TTC23L: variants seen among roughly 807,000 people sequenced by gnomAD.
TTC23L encodes tetratricopeptide repeat domain 23 like.
In TTC23L, 42 loss-of-function variants were observed where a neutral mutation model predicts 48.1. The observed-to-expected ratio is 0.87, with a 90% CI of 0.68 to 1.13. The LOEUF (loss-of-function observed/expected upper bound fraction) is 1.13, where lower values mean the gene tolerates loss of function less well. TTC23L is among the 50% of genes most tolerant of loss of function. The pLI is 0.00. For missense variants in TTC23L, 391 were observed against 421.0 expected (o/e 0.93, Z 0.62); for synonymous variants, 159 against 157.2 (o/e 1.01, Z -0.09).
the TTC23L span, among the ~76,000 whole-genome samples, chr5:34,912,702 A>C: frequency 6.6e-6 from 1 of 152,204 alleles, no homozygotes; most frequent in Non-Finnish European, 1.5e-5. Context: ...ATATATTTTA[A>C]AGAAAATCAT....
the TTC23L span, chr5:34,911,717 T>G: frequency 8.1e-6 from 13 of 1,614,052 alleles, no homozygotes; most frequent in African/African-American, 1.3e-5. Context: ...TCCTGTGTAT[T>G]GATTTTGCAG....
the TTC23L span, among the ~76,000 whole-genome samples, chr5:34,923,569 C>T: frequency 6.6e-6 from 1 of 152,310 alleles, no homozygotes; most frequent in African/African-American, 2.4e-5. Context: ...TGAGCCACTA[C>T]ACCCGGCCTA....
chr5:34,862,970 C>T (rs1554019628), exon 5 of TTC23L: 4 of 1,613,826 alleles, frequency 2.5e-6, no homozygotes, highest in Non-Finnish European at 3.4e-6. Flanking sequence ...GCAAATACGA[C>T]CTCAAATAAG....
chr5:34,910,326 G>A, the TTC23L span, among the ~76,000 whole-genome samples: 2 of 152,056 alleles, frequency 1.3e-5, no homozygotes, highest in African/African-American at 2.4e-5. Context: ...TCATTCCACT[G>A]CTAAAGTAAG....
the TTC23L span, among the ~76,000 whole-genome samples, chr5:34,911,093 C>T: frequency 2.6e-5 from 4 of 152,306 alleles, no homozygotes; most frequent in East Asian, 7.7e-4. Flanking sequence ...GTTCTTCCCA[C>T]AATGCTTAAT....
At chr5:34,850,417 A>G (rs1759580469) in intron 4 of TTC23L, 109 bp downstream of exon 4, 1 of 1,342,650 alleles carries the variant, frequency 7.4e-7, no homozygotes, top group African/African-American at 1.5e-5. Context: ...TCTTGCCCCT[A>G]GCTCACACAT....
intron 4 of TTC23L, chr5:34,860,807 C>T (rs1026006966): frequency 1.3e-5 from 2 of 152,172 alleles, no homozygotes; most frequent in African/African-American, 4.8e-5. Context: ...GTTTCTTCCT[C>T]ATATCTACTA....
At chr5:34,919,813 T>G in the TTC23L span, 1 of 790,768 alleles carries the variant, frequency 1.3e-6, no homozygotes, top group Non-Finnish European at 2.0e-6. Flanking sequence ...TTAATTTACT[T>G]GCTTTTTCTT....
intron 8 of TTC23L, among the ~76,000 whole-genome samples, chr5:34,875,106 C>G (rs78709188): frequency 1.2e-3 from 179 of 152,234 alleles, no homozygotes; most frequent in African/African-American, 4.2e-3. Flanking sequence ...TTATCAGGGA[C>G]AAAGAGGGGC....
chr5:34,847,018 C>G (rs1759260506), intron 3 of TTC23L, among the ~76,000 whole-genome samples: 1 of 152,130 alleles, frequency 6.6e-6, no homozygotes, highest in Non-Finnish European at 1.5e-5. Flanking sequence ...AAGACGTCGA[C>G]TCTCATTATT....
chr5:34,880,035 T>TCTTA (rs1753244065), intron 8 of TTC23L, 146 bp from the exon 9 acceptor site: 2 of 905,960 alleles, frequency 2.2e-6, no homozygotes, highest in Admixed American at 3.1e-5. Context: ...AAACCACACA[T>TCTTA]CTTAGACTTT....
chr5:34,907,900 TA>T, the TTC23L span: 4 of 152,200 alleles, frequency 2.6e-5, no homozygotes, highest in African/African-American at 9.6e-5. Flanking sequence ...AAGTTTCCTT[TA>T]AAACAGTGGT....
chr5:34,854,881 G>A (rs1283587835), intron 4 of TTC23L, among the ~76,000 whole-genome samples: 1 of 152,214 alleles, frequency 6.6e-6, no homozygotes, highest in Admixed American at 6.5e-5. Flanking sequence ...AGGGAAGGCA[G>A]TGTAAGGTAA....
the TTC23L span, among the ~76,000 whole-genome samples, chr5:34,909,658 C>T: frequency 6.6e-6 from 1 of 152,258 alleles, no homozygotes; most frequent in East Asian, 1.9e-4. Flanking sequence ...AAATATATAA[C>T]AGGCGAGAGA....
At chr5:34,923,766 A>G in the TTC23L span, among the ~76,000 whole-genome samples, 1 of 152,196 alleles carries the variant, frequency 6.6e-6, no homozygotes, top group South Asian at 2.1e-4. Context: ...AAAAATGCAA[A>G]TAATTCTTTT....
the TTC23L span, chr5:34,922,247 A>G: frequency 6.3e-7 from 1 of 1,592,018 alleles, no homozygotes; most frequent in Non-Finnish European, 8.6e-7. Flanking sequence ...TAATAAATGC[A>G]TCTATTTTGA....
At chr5:34,909,551 G>A in the TTC23L span, among the ~76,000 whole-genome samples, 3 of 152,150 alleles carry the variant, frequency 2.0e-5, no homozygotes, top group Non-Finnish European at 4.4e-5. Context: ...CAATGGGTTT[G>A]AAGAAAATCA....
intron 10 of TTC23L, among the ~76,000 whole-genome samples, chr5:34,898,467 T>C (rs1005185822): frequency 6.6e-6 from 1 of 152,154 alleles, no homozygotes; most frequent in Non-Finnish European, 1.5e-5. Flanking sequence ...TGCCACCTTG[T>C]GGTGCGACAG....
chr5:34,874,397 G>A (rs191233384), intron 8 of TTC23L, among the ~76,000 whole-genome samples: 79 of 152,224 alleles, frequency 5.2e-4, no homozygotes, highest in South Asian at 2.1e-3. Flanking sequence ...GCAGGGATTA[G>A]GATTATTTTG....
Sources: gnomAD v4.1 joint callset for allele counts (sites outside exome capture counted in the v4.1 genomes callset) on GRCh38, gnomAD v4.1.1 for gene constraint, MANE v1.5 for transcripts, NCBI Gene and HGNC (gene_info 2026-07-23, HGNC 2026-07-21) for gene names.